IL1RAP: variants seen among roughly 807,000 people sequenced by gnomAD.
IL1RAP encodes the protein interleukin-1 receptor accessory protein.
A neutral mutation model predicts 60.7 loss-of-function variants in IL1RAP; 35 were observed. The observed-to-expected ratio is 0.58, with a 90% CI of 0.44 to 0.76. IL1RAP has a LOEUF of 0.76. Ranked by LOEUF, IL1RAP falls within the 30% of genes least tolerant of loss-of-function variation. The pLI, the probability that IL1RAP is intolerant of heterozygous loss-of-function variation, is 0.00. For missense variants in IL1RAP, 572 were observed against 693.9 expected (o/e 0.82, Z 1.97); for synonymous variants, 268 against 250.9 (o/e 1.07, Z -0.64).
chr3:190,567,435 A>G (rs1362309574), intron 3 of IL1RAP, among the ~76,000 whole-genome samples: 12 of 152,202 alleles, frequency 7.9e-5, no homozygotes, highest in Non-Finnish European at 2.9e-5. Context: ...CACCCAAACC[A>G]TGGGGTAGTC....
intron 1 of IL1RAP, among the ~76,000 whole-genome samples, chr3:190,549,064 G>T (rs992217761): frequency 1.3e-5 from 2 of 151,422 alleles, no homozygotes; most frequent in Non-Finnish European, 2.9e-5. Flanking sequence ...CAGACACGTA[G>T]AAGGGTGAGA....
At chr3:190,656,034 C>T (rs150189976), downstream of IL1RAP, 1 of 1,537,202 alleles carries the variant, frequency 6.5e-7, no homozygotes, top group Non-Finnish European at 8.7e-7. Context: ...CCACCAAGCT[C>T]ATTGTGGTTG....
chr3:190,514,293 A>G (rs537913320), intron 1 of IL1RAP, 74 bp downstream of exon 1: 1 of 152,278 alleles, frequency 6.6e-6, no homozygotes, highest in African/African-American at 2.4e-5. Context: ...ATTCTTAGAG[A>G]TCCTATCGTT....
chr3:190,576,279 T>G (rs569875025), intron 3 of IL1RAP, among the ~76,000 whole-genome samples: 15 of 152,272 alleles, frequency 9.9e-5, no homozygotes, highest in African/African-American at 3.6e-4. Flanking sequence ...TTTTAAAAAT[T>G]AGTATAGCAC....
chr3:190,564,525 C>G (rs1726196520), intron 3 of IL1RAP, 172 bp downstream of exon 3: 1 of 627,164 alleles, frequency 1.6e-6, no homozygotes, highest in Admixed American at 2.4e-5. Context: ...TGGAAAGAAC[C>G]ATTGCTGTCT....
chr3:190,547,360 G>A (rs146423570), intron 1 of IL1RAP, among the ~76,000 whole-genome samples: 7 of 152,256 alleles, frequency 4.6e-5, no homozygotes, highest in East Asian at 1.9e-4. Flanking sequence ...TGGTGGGTGC[G>A]CATTGCCATC....
intron 1 of IL1RAP, among the ~76,000 whole-genome samples, chr3:190,520,249 T>C (rs1041216641): frequency 5.9e-5 from 9 of 152,170 alleles, no homozygotes; most frequent in Non-Finnish European, 1.2e-4. Flanking sequence ...AAGGGCAAAA[T>C]TGAACGGATG....
chr3:190,628,960 C>T (rs923248030), intron 8 of IL1RAP, among the ~76,000 whole-genome samples: 2 of 152,188 alleles, frequency 1.3e-5, no homozygotes, highest in Non-Finnish European at 1.5e-5. Flanking sequence ...AGTTATCTCA[C>T]CCAAAGTATA....
intron 3 of IL1RAP, among the ~76,000 whole-genome samples, chr3:190,572,638 C>A (rs967666195): frequency 6.6e-6 from 1 of 152,142 alleles, no homozygotes; most frequent in Non-Finnish European, 1.5e-5. Context: ...TAAATACTCC[C>A]CCCTTTTTTT....
At chr3:190,564,038 A>G in intron 2 of IL1RAP, 2 of 433,490 alleles carry the variant, frequency 4.6e-6, no homozygotes, top group Non-Finnish European at 8.4e-6. Context: ...GATCTTAGTT[A>G]TGTTATTTAA....
chr3:190,629,660 A>G, intron 9 of IL1RAP, 162 bp downstream of exon 9: 1 of 1,390,498 alleles, frequency 7.2e-7, no homozygotes, highest in Non-Finnish European at 9.4e-7. Context: ...GAAAGTTTTC[A>G]TCTATGTAAG....
In IL1RAP at chr3:190,629,340, C is replaced by G. The variant is rs1732581439; in HGVS notation, c.903-10C>G. 6.3e-7 allele frequency: 1 copy of G among 1,577,442 alleles called. No homozygotes were observed. The highest frequency in any genetic ancestry group is 2.2e-5 in the East Asian group (1 of 44,628). Reference sequence around the variant, plus strand: ...CTCAAATGCTTTGATTTTCTTCTCTCTATTTCTAGTATAAGTCATAGTAGA... The same window carrying G: ...CTCAAATGCTTTGATTTTCTTCTCTGTATTTCTAGTATAAGTCATAGTAGA... On this transcript the variant is annotated splice_polypyrimidine_tract_variant and intron_variant, in intron 8 of 11. Transcript: ENST00000447382.
chr3:190,533,689 A>G (rs1723177962), intron 1 of IL1RAP, among the ~76,000 whole-genome samples: 1 of 151,772 alleles, frequency 6.6e-6, no homozygotes, highest in African/African-American at 2.4e-5. Context: ...GGAGGTGCAC[A>G]TCCGTGTAGA....
chr3:190,546,450 C>T (rs1724377760), intron 1 of IL1RAP, among the ~76,000 whole-genome samples: 1 of 152,198 alleles, frequency 6.6e-6, no homozygotes, highest in Non-Finnish European at 1.5e-5. Context: ...ATTCCTTCCC[C>T]ACAGCATGCT....
intron 1 of IL1RAP, among the ~76,000 whole-genome samples, chr3:190,537,255 G>A (rs142004433): frequency 5.1e-4 from 77 of 152,182 alleles, no homozygotes; most frequent in African/African-American, 1.7e-3. Context: ...GGGAGGCAGT[G>A]AACTTGCCCA....
intron 2 of IL1RAP, among the ~76,000 whole-genome samples, chr3:190,556,775 G>C (rs1358845781): frequency 6.6e-6 from 1 of 152,188 alleles, no homozygotes; most frequent in African/African-American, 2.4e-5. Context: ...AATAATATTA[G>C]TGGTAGCTCA....
chr3:190,598,856 T>C (rs1306450309), intron 3 of IL1RAP, among the ~76,000 whole-genome samples: 1 of 152,200 alleles, frequency 6.6e-6, no homozygotes, highest in Admixed American at 6.5e-5. Context: ...TCATATTTGG[T>C]CGAGTCAATA....
At chr3:190,527,217 G>T (rs1290616662) in intron 1 of IL1RAP, among the ~76,000 whole-genome samples, 1 of 152,118 alleles carries the variant, frequency 6.6e-6, no homozygotes, top group Admixed American at 6.5e-5. Context: ...GGAGGTTTAG[G>T]ACCTAATATT....
intron 3 of IL1RAP, among the ~76,000 whole-genome samples, chr3:190,582,313 T>C (rs1728063228): frequency 6.6e-6 from 1 of 151,656 alleles, no homozygotes; most frequent in African/African-American, 2.4e-5. Flanking sequence ...TGAACTTTTC[T>C]TTTCTTTTTT....
Sources: gnomAD v4.1 joint callset for allele counts (sites outside exome capture counted in the v4.1 genomes callset) on GRCh38, gnomAD v4.1.1 for gene constraint, MANE v1.5 for transcripts, NCBI Gene and HGNC (gene_info 2026-07-23, HGNC 2026-07-21) for gene names.